The following CACHD1 variants were observed in gnomAD, a reference collection of about 807,000 sequenced individuals.
CACHD1 encodes VWFA and cache domain-containing protein 1.
A neutral mutation model predicts 138.7 loss-of-function variants in CACHD1; 71 were observed. The observed-to-expected ratio is 0.51, with a 90% confidence interval of 0.42 to 0.62. CACHD1 has a LOEUF of 0.62. Ranked by LOEUF, CACHD1 falls within the 20% of genes least tolerant of loss-of-function variation. The pLI, the probability that CACHD1 is intolerant of heterozygous loss-of-function variation, is 0.00. For synonymous variants in CACHD1, 578 were observed against 591.5 expected, an observed-to-expected ratio of 0.98 and a Z score of 0.33; for missense variants, 1,389 against 1,625.3, an observed-to-expected ratio of 0.85 and a Z score of 2.50.
At chr1:64,594,618 G>A (rs987045634) in intron 3 of CACHD1, among the ~76,000 whole-genome samples, 3 of 152,146 alleles carry the variant, frequency 2.0e-5, no homozygotes, top group East Asian at 1.9e-4. Context: ...AGCTTCCTGC[G>A]TTTTTCGTGT....
chr1:64,689,265 C>T (rs1271162317), intron 26 of CACHD1, among the ~76,000 whole-genome samples: 2 of 152,210 alleles, frequency 1.3e-5, no homozygotes, highest in Non-Finnish European at 2.9e-5. Context: ...AACAGAGTCT[C>T]AAAATCAAGC....
chr1:64,527,416 C>G (rs1557476577), intron 1 of CACHD1, among the ~76,000 whole-genome samples: 1 of 152,220 alleles, frequency 6.6e-6, no homozygotes, highest in African/African-American at 2.4e-5. Flanking sequence ...TTAGGTGAGA[C>G]AGTAGGCGTT....
At chr1:64,679,467 C>G in intron 23 of CACHD1, 128 bp from the exon 24 acceptor site, 1 of 1,004,384 alleles carries the variant, frequency 1.0e-6, no homozygotes, top group East Asian at 2.4e-5. Flanking sequence ...AACTCAAAGC[C>G]TAACTAAGCA....
At position 64,681,541 on chromosome 1, in the gene CACHD1, G is replaced by GGTTTTTTTTT. The variant is rs1553146851; in HGVS notation, c.3484+206_3484+207insGTTTTTTTTT. Among the ~76,000 whole-genome samples the GGTTTTTTTTT allele has an allele frequency of 9.0e-3, 610 of 68,098 alleles. 44 individuals are homozygous for GGTTTTTTTTT. The highest frequency in any genetic ancestry group is 0.023 in the African/African-American group (308 of 13,638). The allele number at this position is 68,098 out of a possible 152,430, so 44.7% of individuals were successfully genotyped here. A position where few individuals can be genotyped will look rare whatever the true frequency, so the allele number is the denominator to read the frequency against. ...AGAGAATCTCAAAAGATTTTATTGT[G>GGTTTTTTTTT]TTTTTTTTTTTTTTTTTTTTTTTGC... On this transcript the variant is annotated intron_variant, in intron 25 of 26. Coordinates refer to ENST00000651257, the MANE Select transcript of CACHD1 (RefSeq NM_020925.4).
At chr1:64,510,066 T>C (rs950367745) in intron 1 of CACHD1, among the ~76,000 whole-genome samples, 2 of 152,168 alleles carry the variant, frequency 1.3e-5, no homozygotes, top group Admixed American at 6.5e-5. Flanking sequence ...AGAGTGCTAG[T>C]TAAAACTGCT....
chr1:64,582,250 C>T lies in CACHD1; in HGVS notation c.356C>T (p.Thr119Ile). 6.2e-7 allele frequency: 1 copy of T among 1,614,038 alleles called. No individual in the cohort carries two copies. Among genetic ancestry groups the T allele is most frequent in the Non-Finnish European group, 8.5e-7 (1 of 1,179,878 alleles). Residue 119 changes from threonine to isoleucine, a missense_variant, in exon 3 of 27, where the codon ACC (threonine) becomes ATC (isoleucine). This residue lies in a region of CACHD1 where 1,000 missense variants were observed against 1,114.7 expected (regional missense o/e 0.90). Transcript: ENST00000651257. ...VVEASYTAHL[T>I]SPLTAIQDCC... is the part of the protein sequence containing the mutation. ...GAAGCATCCTATACGGCTCACCTAA[C>T]CTCTCCCCTAACTGCAATTCAAGAC...
At position 64,653,808 on chromosome 1, in the gene CACHD1, C is replaced by A; in HGVS notation, c.1591C>A (p.Pro531Thr). ...TACCAGGCCATATTTATTGTCAGAGCCCCCACTTCATACTGACATCATACA... is the reference window on the plus strand; with the variant it reads ...TACCAGGCCATATTTATTGTCAGAGACCCCACTTCATACTGACATCATACA... ...SLTRPYLLSEPPLHTDIIHYE... is the reference protein window; with the variant it reads ...SLTRPYLLSETPLHTDIIHYE... The change falls in exon 11 of 27, where the codon CCC (proline) becomes ACC (threonine). Residue 531 changes from proline to threonine, a missense_variant. By Grantham distance (38) the Pro-to-Thr change is conservative. This residue lies in a region of CACHD1 where 1,000 missense variants were observed against 1,114.7 expected (regional missense o/e 0.90). Transcript: ENST00000651257. The A allele has an allele frequency of 6.2e-7, 1 of 1,612,318 alleles. No homozygotes were observed. The highest frequency in any genetic ancestry group is 1.1e-5 in the South Asian group (1 of 90,998).
chr1:64,500,413 C>T (rs750165186), intron 1 of CACHD1, among the ~76,000 whole-genome samples: 9 of 152,140 alleles, frequency 5.9e-5, no homozygotes, highest in Non-Finnish European at 1.3e-4. Context: ...TTATAATCTT[C>T]GAAGAACTTT....
chr1:64,641,077 AC>A (rs1405328362), intron 7 of CACHD1, among the ~76,000 whole-genome samples: 1 of 150,814 alleles, frequency 6.6e-6, no homozygotes, highest in African/African-American at 2.4e-5. Flanking sequence ...TTTCTCTTTT[AC>A]CTTCTTTTTT....
chr1:64,603,277 T>A (rs1191253280), intron 4 of CACHD1, among the ~76,000 whole-genome samples: 1 of 151,946 alleles, frequency 6.6e-6, no homozygotes, highest in South Asian at 2.1e-4. Flanking sequence ...GTTAATTTTT[T>A]GTATTTTTAG....
At chr1:64,618,574 C>T (rs1250153054) in intron 4 of CACHD1, among the ~76,000 whole-genome samples, 1 of 152,142 alleles carries the variant, frequency 6.6e-6, no homozygotes, top group Non-Finnish European at 1.5e-5. Context: ...CCAGTGATCC[C>T]TGAAATATAT....
At chr1:64,557,990 G>T (rs1366434848) in intron 2 of CACHD1, among the ~76,000 whole-genome samples, 1 of 151,842 alleles carries the variant, frequency 6.6e-6, no homozygotes, top group Non-Finnish European at 1.5e-5. Flanking sequence ...GTAGAGACAG[G>T]GTTTCACCAT....
chr1:64,632,567 G>T, intron 5 of CACHD1, 32 bp from the exon 6 acceptor site: 1 of 1,612,158 alleles, frequency 6.2e-7, no homozygotes, highest in South Asian at 1.1e-5. Context: ...CCTAAACCAA[G>T]ACTGACCCCA....
chr1:64,576,903 GTTTGT>G (rs781359438), intron 2 of CACHD1, among the ~76,000 whole-genome samples: 1 of 147,856 alleles, frequency 6.8e-6, no homozygotes, highest in African/African-American at 2.5e-5. Context: ...GGGTTTGTTT[GTTTGT>G]TTTTTTTTTT....
chr1:64,532,338 A>G (rs918174003), intron 1 of CACHD1, among the ~76,000 whole-genome samples: 1 of 152,210 alleles, frequency 6.6e-6, no homozygotes, highest in Non-Finnish European at 1.5e-5. Flanking sequence ...AACAACAACA[A>G]CAACAAAAAG....
At chr1:64,582,855 G>T (rs747339262) in intron 3 of CACHD1, among the ~76,000 whole-genome samples, 20 of 152,116 alleles carry the variant, frequency 1.3e-4, no homozygotes, top group Non-Finnish European at 2.6e-4. Flanking sequence ...GGAAATTGTA[G>T]TGGAAAGAAC....
chr1:64,649,735 T>TA, intron 9 of CACHD1, among the ~76,000 whole-genome samples: 1 of 152,210 alleles, frequency 6.6e-6, no homozygotes, highest in East Asian at 1.9e-4. Context: ...TCCAGAGAGC[T>TA]ACCCTGAATG....
intron 2 of CACHD1, among the ~76,000 whole-genome samples, chr1:64,579,658 A>G (rs1385328198): frequency 1.3e-5 from 2 of 152,166 alleles, no homozygotes; most frequent in Non-Finnish European, 2.9e-5. Flanking sequence ...ATATTGTTGT[A>G]TATTTTAAAA....
chr1:64,671,365 G>GA (rs1649810098), intron 16 of CACHD1, among the ~76,000 whole-genome samples, 199 bp from the exon 17 acceptor site: 1 of 152,052 alleles, frequency 6.6e-6, no homozygotes, highest in Admixed American at 6.6e-5. Context: ...CCTACATTAA[G>GA]TCTTAAATTT....
Sources: allele counts gnomAD v4.1 joint callset (sites outside exome capture counted in the v4.1 genomes callset), GRCh38; gene constraint gnomAD v4.1.1; regional missense constraint gnomAD v4.1.1; transcripts MANE v1.5; gene names NCBI Gene and HGNC (gene_info 2026-07-23, HGNC 2026-07-21).